PDE8B: variants seen among roughly 807,000 people sequenced by gnomAD.
The protein encoded by PDE8B is phosphodiesterase 8B, also known as high affinity cAMP-specific and IBMX-insensitive 3',5'-cyclic phosphodiesterase 8B.
A neutral mutation model predicts 101.3 loss-of-function variants in PDE8B; 26 were observed. The observed-to-expected ratio is 0.26, with a 90% confidence interval of 0.19 to 0.36. PDE8B has a LOEUF of 0.36. Ranked by LOEUF, PDE8B falls within the 10% of genes least tolerant of loss-of-function variation. The pLI, the probability that PDE8B is intolerant of heterozygous loss-of-function variation, is 1.00. For missense variants in PDE8B, 810 were observed against 1,163.1 expected (o/e 0.70, Z 4.42); for synonymous variants, 424 against 429.3 (o/e 0.99, Z 0.15).
the PDE8B span, chr5:77,118,308 T>C: frequency 2.5e-6 from 1 of 398,546 alleles, no homozygotes; most frequent in African/African-American, 2.1e-5. Flanking sequence ...ATTGTTGTTG[T>C]TGTTGTTGCA....
chr5:77,153,030 G>T, the PDE8B span, among the ~76,000 whole-genome samples: 1 of 152,164 alleles, frequency 6.6e-6, no homozygotes, highest in South Asian at 2.1e-4. Context: ...CACTTGGAGG[G>T]ATTTTTCATG....
At chr5:77,196,066 T>A in the PDE8B span, among the ~76,000 whole-genome samples, 1 of 152,244 alleles carries the variant, frequency 6.6e-6, no homozygotes, top group Non-Finnish European at 1.5e-5. Flanking sequence ...CTTGTATATC[T>A]TCTTTGTACA....
chr5:77,233,397 T>C (rs1399047843), intron 1 of PDE8B, among the ~76,000 whole-genome samples: 1 of 152,104 alleles, frequency 6.6e-6, no homozygotes, highest in Admixed American at 6.5e-5. Flanking sequence ...TGACTTCCTT[T>C]TCGTGGTTAA....
chr5:77,425,707 A>G (rs1210300149), intron 20 of PDE8B, 60 bp from the exon 21 acceptor site: 4 of 1,558,330 alleles, frequency 2.6e-6, no homozygotes, highest in Admixed American at 1.7e-5. Flanking sequence ...GAGAAACAGG[A>G]TATTACTGTG....
the PDE8B span, among the ~76,000 whole-genome samples, chr5:77,199,406 C>A: frequency 6.6e-6 from 1 of 152,192 alleles, no homozygotes; most frequent in South Asian, 2.1e-4. Flanking sequence ...AATTTAATAA[C>A]AAAAAACAAT....
intron 12 of PDE8B, 119 bp from the exon 13 acceptor site, chr5:77,407,262 T>C: frequency 1.3e-6 from 1 of 791,266 alleles, no homozygotes; most frequent in Non-Finnish European, 2.3e-6. Context: ...ATTCATGGCT[T>C]TTTAGGTGGG....
the PDE8B span, among the ~76,000 whole-genome samples, chr5:77,183,244 C>T: frequency 1.3e-5 from 2 of 151,962 alleles, no homozygotes; most frequent in East Asian, 3.8e-4. Context: ...CTTAGCCTCC[C>T]GAGTAGTTGG....
chr5:77,286,678 C>G (rs1327018638), intron 1 of PDE8B, among the ~76,000 whole-genome samples: 1 of 152,180 alleles, frequency 6.6e-6, no homozygotes, highest in Non-Finnish European at 1.5e-5. Context: ...GACCCCAGTT[C>G]ATTGACATTA....
chr5:77,375,854 A>G (rs1785976220), intron 10 of PDE8B, among the ~76,000 whole-genome samples: 2 of 150,934 alleles, frequency 1.3e-5, no homozygotes, highest in Middle Eastern at 3.5e-3. Flanking sequence ...TTTTTAGGGT[A>G]CAGGAGTGTT....
At chr5:77,406,006 G>C (rs778014593) in intron 12 of PDE8B, among the ~76,000 whole-genome samples, 1 of 152,104 alleles carries the variant, frequency 6.6e-6, no homozygotes, top group African/African-American at 2.4e-5. Context: ...GCTGACATAG[G>C]CCAGGTGCGA....
At chr5:77,237,294 C>T (rs1456170428) in intron 1 of PDE8B, among the ~76,000 whole-genome samples, 1 of 151,990 alleles carries the variant, frequency 6.6e-6, no homozygotes, top group Non-Finnish European at 1.5e-5. Context: ...TGTTTGCTTC[C>T]CCTGTTTTTC....
chr5:77,313,541 G>C (rs1296514179), intron 2 of PDE8B, among the ~76,000 whole-genome samples: 1 of 152,208 alleles, frequency 6.6e-6, no homozygotes, highest in Admixed American at 6.5e-5. Flanking sequence ...TTTGGGATTA[G>C]TGTGGTTTTA....
At chr5:77,367,439 A>G (rs1428766745) in intron 10 of PDE8B, among the ~76,000 whole-genome samples, 1 of 151,946 alleles carries the variant, frequency 6.6e-6, no homozygotes, top group Non-Finnish European at 1.5e-5. Flanking sequence ...GGCTGAAAGC[A>G]TACTTTCCAG....
At chr5:77,128,786 G>A in the PDE8B span, among the ~76,000 whole-genome samples, 3 of 152,204 alleles carry the variant, frequency 2.0e-5, no homozygotes, top group African/African-American at 7.2e-5. Context: ...TCAATTCACA[G>A]ATGCATCGGA....
At chr5:77,395,594 T>C (rs1790877858) in intron 10 of PDE8B, among the ~76,000 whole-genome samples, 2 of 151,940 alleles carry the variant, frequency 1.3e-5, no homozygotes, top group Admixed American at 1.3e-4. Flanking sequence ...TTCCCTATGC[T>C]CTTGTTAATT....
chr5:77,208,600 T>C (rs1340213387), upstream of PDE8B, among the ~76,000 whole-genome samples: 3 of 152,170 alleles, frequency 2.0e-5, no homozygotes, highest in Non-Finnish European at 4.4e-5. Context: ...CCATTTAATG[T>C]GGTGTTCTTA....
At chr5:77,213,538 A>C (rs1294100642) in intron 1 of PDE8B, among the ~76,000 whole-genome samples, 1 of 152,224 alleles carries the variant, frequency 6.6e-6, no homozygotes, top group Non-Finnish European at 1.5e-5. Flanking sequence ...AATTTTATAA[A>C]AACTTTACAT....
chr5:77,289,774 T>G (rs1427826982), intron 1 of PDE8B, among the ~76,000 whole-genome samples: 1 of 152,246 alleles, frequency 6.6e-6, no homozygotes, highest in Non-Finnish European at 1.5e-5. Flanking sequence ...GAATGAGGAC[T>G]TAAAGCAATT....
chr5:77,411,615 A>T, intron 14 of PDE8B, 61 bp from the exon 15 acceptor site: 2 of 1,390,358 alleles, frequency 1.4e-6, no homozygotes, highest in Non-Finnish European at 2.0e-6. Flanking sequence ...AATAATAAAA[A>T]AAAAAAGAGA....
Sources: gnomAD v4.1 joint callset for allele counts (sites outside exome capture counted in the v4.1 genomes callset) on GRCh38, gnomAD v4.1.1 for gene constraint, MANE v1.5 for transcripts, NCBI Gene and HGNC (gene_info 2026-07-23, HGNC 2026-07-21) for gene names.